TNPO1: variants seen among roughly 807,000 people sequenced by gnomAD.
The protein encoded by TNPO1 is transportin-1.
In TNPO1, 8 loss-of-function variants were observed where a neutral mutation model predicts 119.5. The observed-to-expected ratio is 0.07, with a 90% confidence interval of 0.04 to 0.12. The LOEUF is 0.12. TNPO1 is among the 10% of genes least tolerant of loss of function. TNPO1 has a pLI of 1.00. For missense variants in TNPO1, 576 were observed against 1,089.8 expected (o/e 0.53, Z 6.64); for synonymous variants, 362 against 363.0 (o/e 1.00, Z 0.03).
intron 6 of TNPO1, among the ~76,000 whole-genome samples, chr5:72,866,290 G>A (rs1315153012): frequency 6.6e-6 from 1 of 152,158 alleles, no homozygotes; most frequent in Non-Finnish European, 1.5e-5. Context: ...GTGAGAACAT[G>A]CAGGTATTTG....
chr5:72,853,900 T>G (rs1180103726), intron 3 of TNPO1, among the ~76,000 whole-genome samples: 1 of 152,230 alleles, frequency 6.6e-6, no homozygotes, highest in Non-Finnish European at 1.5e-5. Context: ...GAGGGTACAC[T>G]GAAGTAGTCT....
At chr5:72,868,541 T>G (rs1424558673) in intron 6 of TNPO1, among the ~76,000 whole-genome samples, 1 of 152,220 alleles carries the variant, frequency 6.6e-6, no homozygotes, top group East Asian at 1.9e-4. Flanking sequence ...TAACTTTTTC[T>G]TGCTGTCACA....
At chr5:72,892,047 C>G (rs1486945338) in intron 15 of TNPO1, 151 bp downstream of exon 15, 1 of 588,466 alleles carries the variant, frequency 1.7e-6, no homozygotes, top group Non-Finnish European at 2.9e-6. Context: ...ACCTGCTTTA[C>G]TTAATTGATA....
chr5:72,892,210 GT>G (rs1354177744), intron 15 of TNPO1, among the ~76,000 whole-genome samples: 1 of 152,008 alleles, frequency 6.6e-6, no homozygotes, highest in Non-Finnish European at 1.5e-5. Flanking sequence ...TATATGTTGA[GT>G]AGTGGGATTT....
chr5:72,896,636 G>C, intron 19 of TNPO1, 80 bp downstream of exon 19: 1 of 1,073,928 alleles, frequency 9.3e-7, no homozygotes, highest in Non-Finnish European at 1.4e-6. Flanking sequence ...TCGGGAGGCT[G>C]AGGCGGGCAG....
chr5:72,873,939 G>T (rs1446482686), intron 7 of TNPO1, among the ~76,000 whole-genome samples: 1 of 151,972 alleles, frequency 6.6e-6, no homozygotes, highest in Non-Finnish European at 1.5e-5. Flanking sequence ...AATTATCCTG[G>T]TGTTTTCTTT....
intron 6 of TNPO1, among the ~76,000 whole-genome samples, chr5:72,870,247 A>G (rs529326830): frequency 1.5e-5 from 2 of 132,136 alleles, no homozygotes; most frequent in South Asian, 2.3e-4. Context: ...TGCAACCTCC[A>G]CCTCCCAGGT....
chr5:72,831,430 TATAAA>T (rs1312791710), intron 1 of TNPO1, among the ~76,000 whole-genome samples: 2 of 151,986 alleles, frequency 1.3e-5, no homozygotes, highest in Non-Finnish European at 2.9e-5. Context: ...TTATGTCTGA[TATAAA>T]ATAAAATTTG....
chr5:72,843,548 C>T (rs1305742936), intron 1 of TNPO1, among the ~76,000 whole-genome samples: 1 of 150,904 alleles, frequency 6.6e-6, no homozygotes, highest in Non-Finnish European at 1.5e-5. Flanking sequence ...GAGCCGAGAT[C>T]GCACCACTGC....
At chr5:72,888,370 G>T in intron 13 of TNPO1, 67 bp downstream of exon 13, 14 of 1,360,748 alleles carry the variant, frequency 1.0e-5, no homozygotes, top group Non-Finnish European at 1.4e-5. Context: ...CCTTCTGATG[G>T]AGTGTTGGTG....
rs777431913 is a variant in TNPO1 at position 72,872,625 on chromosome 5, A to G, written c.597-14A>G. ...TACAATGAGCATATGTTAAATTTTA[A>G]ACTTTGTTTCTAGGTCTCACGCTGT... On this transcript the variant is annotated splice_polypyrimidine_tract_variant and intron_variant, in intron 6 of 24. Coordinates refer to ENST00000337273, the MANE Select transcript of TNPO1 (RefSeq NM_002270.4). 7.6e-6 allele frequency: 12 copies of G among 1,588,716 alleles called. No individual in the cohort carries two copies. The African/African-American group carries it at 1.6e-4, about 21-fold the overall frequency.
Position 72,888,108 on chromosome 5 carries a change from C to A in TNPO1, c.1334C>A (p.Pro445His). The change falls in exon 13 of 25, where the codon CCT (proline) becomes CAT (histidine). Residue 445 changes from proline (P) to histidine (H), a missense_variant. Physicochemically the swap from Pro to His is moderately conservative, Grantham distance 77. This residue lies in a region of TNPO1 where 310 missense variants were observed against 583.0 expected (regional missense o/e 0.53). Coordinates refer to ENST00000337273, the MANE Select transcript of TNPO1 (RefSeq NM_002270.4). The part of the protein sequence containing the change: ...GCMQGMIPYL[P>H]ELIPHLIQCL... ...ATGCAGGGCATGATTCCATACTTGCCTGAGCTTATTCCTCACCTTATTCAG... is the reference window on the plus strand; with the variant it reads ...ATGCAGGGCATGATTCCATACTTGCATGAGCTTATTCCTCACCTTATTCAG... 6.2e-7 allele frequency: 1 copy of A among 1,614,008 alleles called. No homozygotes were observed. The highest frequency in any genetic ancestry group is 8.5e-7 in the Non-Finnish European group (1 of 1,180,008).
At chr5:72,845,207 T>G (rs1373938240) in intron 1 of TNPO1, among the ~76,000 whole-genome samples, 1 of 152,146 alleles carries the variant, frequency 6.6e-6, no homozygotes, top group African/African-American at 2.4e-5. Context: ...TTGAGACATT[T>G]AGAAAGCTGA....
rs771402017 is a variant in TNPO1, at chr5:72,900,098, C to CT, written c.2414+26dup. 373 of 1,576,904 alleles carry CT rather than the reference C, an allele frequency of 2.4e-4. No individual in the cohort carries two copies. Among genetic ancestry groups the CT allele is most frequent in the African/African-American group, 4.8e-4 (35 of 73,662 alleles). On this transcript the variant is annotated intron_variant, in intron 21 of 24. Transcript: ENST00000337273. Reference sequence around the variant, plus strand: ...AAGACCCTGGTGTGTATTATTCAATCTTTTTTTTTAATTCATTTTTCTTCA... The same window carrying CT: ...AAGACCCTGGTGTGTATTATTCAATCTTTTTTTTTTAATTCATTTTTCTTCA...
At chr5:72,890,908 C>T (rs1332495028) in intron 14 of TNPO1, among the ~76,000 whole-genome samples, 1 of 152,036 alleles carries the variant, frequency 6.6e-6, no homozygotes, top group Non-Finnish European at 1.5e-5. Flanking sequence ...GGCTAGAGTG[C>T]AGTGGTGTGA....
At chr5:72,896,163 T>C (rs1749414985) in intron 18 of TNPO1, among the ~76,000 whole-genome samples, 1 of 152,186 alleles carries the variant, frequency 6.6e-6, no homozygotes, top group Non-Finnish European at 1.5e-5. Context: ...TTTAGTGGTA[T>C]GTAAAATATA....
intron 1 of TNPO1, among the ~76,000 whole-genome samples, chr5:72,827,902 A>G (rs1744275692): frequency 1.3e-5 from 2 of 150,652 alleles, no homozygotes; most frequent in Non-Finnish European, 3.0e-5. Flanking sequence ...GCTGGGCAAC[A>G]GAGGGAGATC....
In TNPO1 at chr5:72,883,048, CTT is replaced by C; in HGVS notation, c.982-15_982-14del. 1 of 1,604,306 alleles carries C rather than the reference CTT, an allele frequency of 6.2e-7. No individual in the cohort carries two copies. Among genetic ancestry groups the C allele is most frequent in the Non-Finnish European group, 8.5e-7 (1 of 1,173,654 alleles). Reference sequence around the variant, plus strand: ...ATAATGAATGCCACCAAAAATTTCTCTTAAAAAAACAACAGGGTGATGTTGAA... The same window carrying C: ...ATAATGAATGCCACCAAAAATTTCTCAAAAAAACAACAGGGTGATGTTGAA... On this transcript the variant is annotated splice_polypyrimidine_tract_variant and intron_variant, in intron 10 of 24. Transcript: ENST00000337273.
chr5:72,893,271 C>G, intron 16 of TNPO1, 25 bp downstream of exon 16: 1 of 1,608,500 alleles, frequency 6.2e-7, no homozygotes, highest in Non-Finnish European at 8.5e-7. Flanking sequence ...ATGTCTTCCT[C>G]TTCTTGACAT....
Sources: allele counts gnomAD v4.1 joint callset (sites outside exome capture counted in the v4.1 genomes callset), GRCh38; gene constraint gnomAD v4.1.1; regional missense constraint gnomAD v4.1.1; transcripts MANE v1.5; gene names NCBI Gene and HGNC (gene_info 2026-07-23, HGNC 2026-07-21).